SEMA4A: variants seen among roughly 807,000 people sequenced by gnomAD.
SEMA4A encodes the protein semaphorin-4A.
SEMA4A carries 52 observed loss-of-function variants against 72.5 expected under a neutral mutation model. The observed-to-expected ratio is 0.72, with a 90% CI of 0.57 to 0.90. SEMA4A has a LOEUF of 0.90. Ranked by LOEUF, SEMA4A falls within the 40% of genes least tolerant of loss-of-function variation. SEMA4A has a pLI of 0.00. For missense variants in SEMA4A, 926 were observed against 959.7 expected (o/e 0.96, Z 0.46); for synonymous variants, 369 against 393.1 (o/e 0.94, Z 0.73).
chr1:156,172,387 A>G (rs1654885611), intron 10 of SEMA4A, among the ~76,000 whole-genome samples: 1 of 152,106 alleles, frequency 6.6e-6, no homozygotes, highest in Non-Finnish European at 1.5e-5. Context: ...AAGTGCTGGG[A>G]TTACAGGTGT....
intron 10 of SEMA4A, 173 bp downstream of exon 10, chr1:156,163,267 C>A: frequency 1.4e-6 from 1 of 695,456 alleles, no homozygotes; most frequent in Non-Finnish European, 2.4e-6. Flanking sequence ...GTGCCTAGCA[C>A]CCTTTTATAC....
chr1:156,165,213 AC>A (rs1190703935), intron 10 of SEMA4A, among the ~76,000 whole-genome samples: 1 of 152,102 alleles, frequency 6.6e-6, no homozygotes, highest in African/African-American at 2.4e-5. Context: ...AGCCTTTCTG[AC>A]TGCTCCAGTC....
rs1653580852 is a variant in SEMA4A at position 156,161,111 on chromosome 1, C to G, written c.810+82C>G. 2.6e-6 allele frequency: 4 copies of G among 1,522,232 alleles called. No individual in the cohort carries two copies. In the African/African-American group the frequency reaches 4.3e-5, roughly 16 times the overall value. The allele number at this position is 1,522,232 out of a possible 1,614,324, so 94.3% of individuals were successfully genotyped here. A position where few individuals can be genotyped will look rare whatever the true frequency, so the allele number is the denominator to read the frequency against. On this transcript the variant is annotated intron_variant, in intron 8 of 14. Transcript: ENST00000368285. ...CAGGGGCAGGACTGAGTGGTGGGCC[C>G]CCAGTGAGAGCGGGGGAGCGGGGCG... is the stretch of plus-strand genomic sequence containing the variant.
chr1:156,171,046 CTATT>C (rs1480676309), intron 10 of SEMA4A, among the ~76,000 whole-genome samples: 1 of 152,174 alleles, frequency 6.6e-6, no homozygotes, highest in Non-Finnish European at 1.5e-5. Context: ...GACCCTGTCT[CTATT>C]TGTAAAAATA....
chr1:156,162,227 C>T (rs554317223), intron 9 of SEMA4A, among the ~76,000 whole-genome samples: 23 of 152,138 alleles, frequency 1.5e-4, no homozygotes, highest in Non-Finnish European at 2.8e-4. Flanking sequence ...CACCACTGCA[C>T]GCCAGCCTGG....
intron 6 of SEMA4A, among the ~76,000 whole-genome samples, chr1:156,159,862 G>A (rs1653411565): frequency 2.0e-5 from 3 of 150,588 alleles, no homozygotes; most frequent in African/African-American, 7.4e-5. Context: ...TCAAGGCTAC[G>A]GTGAGTTGTG....
intron 2 of SEMA4A, chr1:156,155,790 C>T (rs1652955467): frequency 6.1e-6 from 1 of 164,460 alleles, no homozygotes. Flanking sequence ...AAAATACACC[C>T]CCACCCACCC....
At chr1:156,160,775 C>T in intron 7 of SEMA4A, 130 bp from the exon 8 acceptor site, 1 of 1,390,936 alleles carries the variant, frequency 7.2e-7, no homozygotes, top group Non-Finnish European at 1.0e-6. Context: ...ATCGCTACCC[C>T]TCGACAAGCT....
intron 14 of SEMA4A, 147 bp from the exon 15 acceptor site, chr1:156,176,258 T>A: frequency 3.0e-6 from 2 of 659,118 alleles, no homozygotes; most frequent in South Asian, 3.7e-5. Flanking sequence ...GTTGTGCCAC[T>A]GCACTCCAGC....
intron 10 of SEMA4A, among the ~76,000 whole-genome samples, chr1:156,168,662 T>G (rs1157629982): frequency 6.6e-6 from 1 of 152,210 alleles, no homozygotes; most frequent in Admixed American, 6.5e-5. Context: ...GTGGGAGACC[T>G]TGAAGCTGTT....
Position 156,158,875 on chromosome 1 carries a change from G to A in SEMA4A, c.568+51G>A, listed in dbSNP as rs115567112. The A allele has an allele frequency of 1.0e-3, 1,479 of 1,450,356 alleles. 4 individuals are homozygous for A. The highest frequency in any genetic ancestry group is 1.3e-3 in the Non-Finnish European group (1,290 of 1,031,744). The allele number at this position is 1,450,356 out of a possible 1,614,324, so 89.8% of individuals were successfully genotyped here. A position where few individuals can be genotyped will look rare whatever the true frequency, so the allele number is the denominator to read the frequency against. On this transcript the variant is annotated intron_variant, in intron 6 of 14. Transcript: ENST00000368285. ...CCCAACATCTACTTTCTCCAGTCAC[G>A]CTGTGAAATATGGAATATTACAGAG...
upstream of SEMA4A, among the ~76,000 whole-genome samples, chr1:156,151,243 C>A (rs1408290343): frequency 2.0e-5 from 3 of 152,232 alleles, no homozygotes; most frequent in Non-Finnish European, 4.4e-5. Flanking sequence ...AGCATTAAAC[C>A]AAGTGTGGCC....
chr1:156,158,183 C>T (rs1456430749), intron 4 of SEMA4A, 51 bp downstream of exon 4: 1 of 1,591,684 alleles, frequency 6.3e-7, no homozygotes, highest in African/African-American at 1.3e-5. Context: ...GCTCTGGCAT[C>T]CCTAGACCAT....
upstream of SEMA4A, among the ~76,000 whole-genome samples, chr1:156,148,488 C>G (rs538317013): frequency 6.6e-6 from 1 of 152,356 alleles, no homozygotes; most frequent in Non-Finnish European, 1.5e-5. Context: ...AACCACCACC[C>G]CAGCTCAGAT....
In SEMA4A at chr1:156,177,346, C is replaced by G; in HGVS notation, c.*349C>G. The G allele has an allele frequency of 2.5e-6, 1 of 402,760 alleles. No individual in the cohort carries two copies. The highest frequency in any genetic ancestry group is 2.3e-5 in the South Asian group (1 of 44,194). The allele number at this position is 402,760 out of a possible 1,614,324, so 24.9% of individuals were successfully genotyped here. A position where few individuals can be genotyped will look rare whatever the true frequency, so the allele number is the denominator to read the frequency against. The stretch of plus-strand genomic sequence containing the variant: ...TTTCAAGAGACCCTAAAAAACCTGC[C>G]TGTCCCAGGACCCTATGGTAATGAA... On this transcript the variant is annotated 3_prime_UTR_variant, in exon 15 of 15. Coordinates refer to ENST00000368285, the MANE Select transcript of SEMA4A (RefSeq NM_022367.4).
chr1:156,154,328 T>G, intron 1 of SEMA4A: 1 of 576,424 alleles, frequency 1.7e-6, no homozygotes, highest in East Asian at 2.9e-5. Context: ...AGACCTGGGC[T>G]CCTACCCATA....
At chr1:156,176,344 C>G in intron 14 of SEMA4A, 61 bp from the exon 15 acceptor site, 1 of 1,255,704 alleles carries the variant, frequency 8.0e-7, no homozygotes, top group Non-Finnish European at 1.1e-6. Context: ...GTTAGAGACT[C>G]TCTCCTGTCT....
rs756270130 is a variant in SEMA4A at position 156,158,783 on chromosome 1, G to A, written c.527G>A (p.Ser176Asn). 2 of 1,613,994 alleles carry A rather than the reference G, an allele frequency of 1.2e-6. No individual in the cohort carries two copies. Among genetic ancestry groups the A allele is most frequent in the Non-Finnish European group, 1.7e-6 (2 of 1,180,008 alleles). ...EDKVMEGKGQ[S>N]PFDPAHKHTA... ...AAGGTCATGGAGGGAAAAGGCCAAAGCCCCTTTGACCCCGCTCACAAGCAT... is the reference window on the plus strand; with the variant it reads ...AAGGTCATGGAGGGAAAAGGCCAAAACCCCTTTGACCCCGCTCACAAGCAT... The change falls in exon 6 of 15, where the codon AGC (serine) becomes AAC (asparagine). Residue 176 changes from serine to asparagine, a missense_variant. Transcript: ENST00000368285.
Position 156,161,001 on chromosome 1 carries a change from A to G in SEMA4A, c.782A>G (p.His261Arg). 1.3e-6 allele frequency: 2 copies of G among 1,559,860 alleles called. No individual in the cohort carries two copies. Among genetic ancestry groups the G allele is most frequent in the Non-Finnish European group, 1.7e-6 (2 of 1,148,900 alleles). The change falls in exon 8 of 15, where the codon CAC becomes CGC. Residue 261 changes from histidine to arginine, a missense_variant. His to Arg is a conservative substitution (Grantham distance 29). Coordinates refer to ENST00000368285, the MANE Select transcript of SEMA4A (RefSeq NM_022367.4). ...GAGTTTGACTTCTTTGAGAGGCTCCACACATCGCGGGTGGCTAGAGTCTGC... is the reference window on the plus strand; with the variant it reads ...GAGTTTGACTTCTTTGAGAGGCTCCGCACATCGCGGGTGGCTAGAGTCTGC... ...ASEFDFFERL[H>R]TSRVARVCKN...
Sources: gnomAD v4.1 joint callset for allele counts (sites outside exome capture counted in the v4.1 genomes callset) on GRCh38, gnomAD v4.1.1 for gene constraint, MANE v1.5 for transcripts, NCBI Gene and HGNC (gene_info 2026-07-23, HGNC 2026-07-21) for gene names.